The following FAM174B variants were observed in gnomAD, a reference collection of about 807,000 sequenced individuals.
FAM174B encodes the protein family with sequence similarity 174 member B.
FAM174B carries 12 observed loss-of-function variants against 10.9 expected under a neutral mutation model. That is an observed-to-expected ratio of 1.10 (90% CI 0.71 to 1.79). FAM174B has a LOEUF of 1.79. Ranked by LOEUF, FAM174B falls within the 40% of genes most tolerant of loss-of-function variation. The pLI is 0.00. For synonymous variants in FAM174B, 132 were observed against 115.8 expected, an observed-to-expected ratio of 1.14 and a Z score of -0.90; for missense variants, 266 against 233.3, an observed-to-expected ratio of 1.14 and a Z score of -0.91.
At position 92,654,974 on chromosome 15, in the gene FAM174B, T is replaced by C. The variant is rs541569346; in HGVS notation, c.344+342A>G. ...CCTCTCTGAAAATGTTTTCCTCATC[T>C]GTGAAATGATTATAAAAATAAATTA... On this transcript the variant is annotated intron_variant, in intron 1 of 2. Coordinates refer to ENST00000327355, the MANE Select transcript of FAM174B (RefSeq NM_207446.3). Among the ~76,000 whole-genome samples the C allele has an allele frequency of 3.3e-5, 5 of 152,290 alleles. No homozygotes were observed. In the South Asian group the frequency reaches 1.0e-3, roughly 32 times the overall value.
At chr15:92,627,365 G>T in intron 2 of FAM174B, 1 of 171,384 alleles carries the variant, frequency 5.8e-6, no homozygotes, top group South Asian at 1.7e-4. Flanking sequence ...CCTAGAAAAG[G>T]AACTCGCTCC....
At chr15:92,628,338 C>CTTTTTT (rs35251307) in intron 2 of FAM174B, among the ~76,000 whole-genome samples, 2 of 84,918 alleles carry the variant, frequency 2.4e-5, no homozygotes, top group Non-Finnish European at 4.2e-5. Flanking sequence ...CTAATTTTTG[C>CTTTTTT]TTTTTTTTTT....
At chr15:92,629,225 G>A (rs1376454139) in intron 2 of FAM174B, among the ~76,000 whole-genome samples, 2 of 152,184 alleles carry the variant, frequency 1.3e-5, no homozygotes, top group South Asian at 2.1e-4. Flanking sequence ...CTTTGGCCAA[G>A]CAATGCCCTT....
chr15:92,644,412 A>G (rs1245960271), intron 1 of FAM174B, among the ~76,000 whole-genome samples: 1 of 152,172 alleles, frequency 6.6e-6, no homozygotes, highest in Non-Finnish European at 1.5e-5. Flanking sequence ...CTTCAGACAA[A>G]TAAGTCACAT....
intron 1 of FAM174B, among the ~76,000 whole-genome samples, chr15:92,636,037 C>G (rs1002878613): frequency 1.3e-5 from 2 of 152,148 alleles, no homozygotes; most frequent in African/African-American, 4.8e-5. Flanking sequence ...AGTTCTGCCT[C>G]AGAGAGAGAG....
At chr15:92,632,853 G>C (rs748700315) in intron 1 of FAM174B, among the ~76,000 whole-genome samples, 3 of 152,150 alleles carry the variant, frequency 2.0e-5, no homozygotes, top group Non-Finnish European at 2.9e-5. Flanking sequence ...TAGGATGGTA[G>C]AGGGTCACTG....
chr15:92,630,260 C>CT lies in FAM174B; in HGVS notation c.429dup (p.Glu144ArgfsTer3). 6.2e-7 allele frequency: 1 copy of CT among 1,613,806 alleles called. No homozygotes were observed. The highest frequency in any genetic ancestry group is 1.3e-5 in the African/African-American group (1 of 74,984). On this transcript the variant is annotated frameshift_variant, in exon 2 of 3. Coordinates refer to ENST00000327355, the MANE Select transcript of FAM174B (RefSeq NM_207446.3). LOFTEE classifies it high-confidence loss of function. ...GTGGAGTCCTCATCTTCATCATCCT[C>CT]TTCATTTAGTGGCGCCATTTCCACT...
At chr15:92,636,686 A>T (rs1033679900) in intron 1 of FAM174B, among the ~76,000 whole-genome samples, 4 of 152,210 alleles carry the variant, frequency 2.6e-5, no homozygotes, top group African/African-American at 9.6e-5. Context: ...CACAGGGCAT[A>T]GTGAGCACAT....
rs1394779954 is a variant in FAM174B, at chr15:92,620,265, G to A, written c.477-806C>T. Among the ~76,000 whole-genome samples, 8 of 152,128 alleles carry A rather than the reference G, an allele frequency of 5.3e-5. No individual in the cohort carries two copies. The East Asian group carries it at 5.8e-4, about 11-fold the overall frequency. On this transcript the variant is annotated intron_variant, in intron 2 of 2. Coordinates refer to ENST00000327355, the MANE Select transcript of FAM174B (RefSeq NM_207446.3). ...GGTAATCCCAGCACTTTGGGAGGCC[G>A]AGGCGGATGGATCACAAGGTCAGGA...
chr15:92,638,751 C>T (rs540998900), intron 1 of FAM174B, among the ~76,000 whole-genome samples: 51 of 152,336 alleles, frequency 3.3e-4, no homozygotes, highest in African/African-American at 1.0e-3. Context: ...CAGGGGGCCA[C>T]AGGCTTTCTC....
chr15:92,645,455 C>T (rs1355115120), intron 1 of FAM174B: 1 of 152,334 alleles, frequency 6.6e-6, no homozygotes, highest in Non-Finnish European at 1.5e-5. Context: ...CCTCCATCTG[C>T]TCCCCATCCT....
rs148004961 is a variant in FAM174B at position 92,645,473 on chromosome 15, T to C, written c.344+9843A>G. ...CCATCTGCTCCCCATCCTGTTTCTC[T>C]TTCCCTCTCTCAGTCCCTGAGGGAT... On this transcript the variant is annotated intron_variant, in intron 1 of 2. Transcript: ENST00000327355. 1.7e-3 allele frequency: 265 copies of C among 152,476 alleles called. 2 individuals carry two copies. Among genetic ancestry groups the C allele is most frequent in the Admixed American group, 5.1e-3 (78 of 15,304 alleles). 9.4% of individuals were successfully genotyped at this position (152,476 alleles called of 1,614,324 possible). A position where few individuals can be genotyped will look rare whatever the true frequency, so the allele number is the denominator to read the frequency against.
chr15:92,642,012 A>T (rs183421301), intron 1 of FAM174B, among the ~76,000 whole-genome samples: 66 of 152,354 alleles, frequency 4.3e-4, no homozygotes, highest in African/African-American at 1.5e-3. Context: ...AAAGACCTGA[A>T]TAGACAGTTC....
Position 92,655,429 on chromosome 15 carries a change from CA to C in FAM174B, c.230del (p.Leu77TrpfsTer2). On this transcript the variant is annotated frameshift_variant, in exon 1 of 3. Coordinates refer to ENST00000327355, the MANE Select transcript of FAM174B (RefSeq NM_207446.3). LOFTEE classifies it high-confidence loss of function. ...GGAGGAGGATGGAAATGCGGGTCACCAAGGCGTCGCCACTGCTGTTGGAGCT... is the reference window on the plus strand; with the variant it reads ...GGAGGAGGATGGAAATGCGGGTCACCAGGCGTCGCCACTGCTGTTGGAGCT... ...SSSSNSSGDA[L>X]VTRISILLRD... The C allele has an allele frequency of 6.3e-7, 1 of 1,578,356 alleles. No individual in the cohort carries two copies. Among genetic ancestry groups the C allele is most frequent in the South Asian group, 1.1e-5 (1 of 87,802 alleles).
intron 1 of FAM174B, among the ~76,000 whole-genome samples, chr15:92,639,919 C>T (rs1006549046): frequency 2.0e-5 from 3 of 152,070 alleles, no homozygotes; most frequent in African/African-American, 7.2e-5. Context: ...TCAGGTATTT[C>T]TTTATAGCAG....
At chr15:92,641,610 C>A (rs1174645860) in intron 1 of FAM174B, among the ~76,000 whole-genome samples, 2 of 151,982 alleles carry the variant, frequency 1.3e-5, no homozygotes, top group Non-Finnish European at 2.9e-5. Flanking sequence ...AAGTTGGACT[C>A]CTATAAATCA....
rs1160367541 is a variant in FAM174B at position 92,617,640 on chromosome 15, C to T, written c.*1816G>A. The stretch of plus-strand genomic sequence containing the variant: ...AGATTCAGCTGCAGTTGTCGAAAAC[C>T]CTGTGTGAGCCAGCAGTTCCAGTTC... On this transcript the variant is annotated 3_prime_UTR_variant, in exon 3 of 3. Transcript: ENST00000327355. 3.0e-6 allele frequency: 2 copies of T among 662,390 alleles called. No individual in the cohort carries two copies. The highest frequency in any genetic ancestry group is 2.9e-5 in the East Asian group (1 of 33,928). 41.0% of individuals were successfully genotyped at this position (662,390 alleles called of 1,614,324 possible).
intron 1 of FAM174B, among the ~76,000 whole-genome samples, chr15:92,640,098 C>G (rs2050880429): frequency 6.6e-6 from 1 of 152,054 alleles, no homozygotes; most frequent in Admixed American, 6.6e-5. Context: ...TTGTTGATAA[C>G]CACCCATATC....
intron 1 of FAM174B, chr15:92,645,414 A>AT (rs2050919982): frequency 1.3e-5 from 2 of 152,300 alleles, no homozygotes; most frequent in Non-Finnish European, 2.9e-5. Context: ...ACAAGTCTTC[A>AT]GGTTTTTCTT....
Sources: gnomAD v4.1 joint callset for allele counts (sites outside exome capture counted in the v4.1 genomes callset) on GRCh38, gnomAD v4.1.1 for gene constraint, MANE v1.5 for transcripts, NCBI Gene and HGNC (gene_info 2026-07-23, HGNC 2026-07-21) for gene names.